The following SLC38A8 variants were observed in gnomAD, a reference collection of about 807,000 sequenced individuals.
SLC38A8 encodes the protein solute carrier family 38 member 8.
A neutral mutation model predicts 46.0 loss-of-function variants in SLC38A8; 65 were observed. That is an observed-to-expected ratio of 1.41 (90% CI 1.16 to 1.74). SLC38A8 has a LOEUF of 1.74. SLC38A8 is among the 40% of genes most tolerant of loss of function. The pLI is 0.00. For missense variants in SLC38A8, 998 were observed against 567.9 expected, an observed-to-expected ratio of 1.76 and a Z score of -7.70; for synonymous variants, 447 against 243.7, an observed-to-expected ratio of 1.83 and a Z score of -7.77.
chr16:84,014,554 T>TA (rs1429419143), intron 9 of SLC38A8, among the ~76,000 whole-genome samples: 1 of 151,254 alleles, frequency 6.6e-6, no homozygotes, highest in Non-Finnish European at 1.5e-5. Context: ...CTCTCCTCTC[T>TA]AAAAGTTCCA....
In SLC38A8 at chr16:84,029,501, C is replaced by A. The variant is rs754247007; in HGVS notation, c.683G>T (p.Gly228Val). ...VFSVFPTICFGFQCHEAAVSI... is the reference protein window; with the variant it reads ...VFSVFPTICFVFQCHEAAVSI... Reference sequence around the variant, plus strand: ...CACAGATGCTAAAATTACCTGAAACCCGAAGCAGATGGTGGGGAAGACACT... The same window carrying A: ...CACAGATGCTAAAATTACCTGAAACACGAAGCAGATGGTGGGGAAGACACT... The change falls in exon 6 of 11, where the codon GGG becomes GTG. Residue 228 changes from glycine to valine, a missense_variant. Gly to Val is a moderately radical substitution (Grantham distance 109). Coordinates refer to ENST00000299709, the MANE Select transcript of SLC38A8 (RefSeq NM_001080442.3). The A allele has an allele frequency of 2.5e-6, 4 of 1,614,106 alleles. No individual in the cohort carries two copies. Among genetic ancestry groups the A allele is most frequent in the Non-Finnish European group, 3.4e-6 (4 of 1,180,006 alleles).
At chr16:84,036,608 G>C (rs2085301799) in intron 3 of SLC38A8, 94 bp downstream of exon 3, 13 of 1,438,164 alleles carry the variant, frequency 9.0e-6, no homozygotes, top group Non-Finnish European at 1.2e-5. Context: ...TCAGGGCCCA[G>C]GCCAGGGCCC....
At chr16:84,014,547 T>A (rs7202336) in intron 9 of SLC38A8, among the ~76,000 whole-genome samples, 3,512 of 150,576 alleles carry the variant, frequency 0.023, 130 homozygotes, top group African/African-American at 0.082. Context: ...CACACCCCTC[T>A]CCTCTCTAAA....
At chr16:84,011,917 TGAGACGCA>T (rs1472937237) in intron 10 of SLC38A8, among the ~76,000 whole-genome samples, 1 of 152,084 alleles carries the variant, frequency 6.6e-6, no homozygotes, top group African/African-American at 2.4e-5. Flanking sequence ...GAGGGATTTC[TGAGACGCA>T]GAGACACAGG....
At chr16:84,011,577 G>A (rs558917108) in intron 10 of SLC38A8, among the ~76,000 whole-genome samples, 2 of 152,218 alleles carry the variant, frequency 1.3e-5, no homozygotes, top group African/African-American at 4.8e-5. Flanking sequence ...GGGGTGAAGG[G>A]TGGCCCCCAA....
chr16:84,028,998 C>A (rs2085202976), intron 6 of SLC38A8, among the ~76,000 whole-genome samples: 1 of 152,150 alleles, frequency 6.6e-6, no homozygotes, highest in Non-Finnish European at 1.5e-5. Context: ...GCCCCTTTCC[C>A]CTCTCCAATC....
chr16:84,035,885 C>G (rs1387024363), intron 3 of SLC38A8, among the ~76,000 whole-genome samples: 1 of 152,150 alleles, frequency 6.6e-6, no homozygotes, highest in Non-Finnish European at 1.5e-5. Flanking sequence ...ATAACTAGAC[C>G]TAAAGATTAA....
chr16:84,024,409 G>A (rs1343564358), intron 6 of SLC38A8, among the ~76,000 whole-genome samples: 1 of 152,014 alleles, frequency 6.6e-6, no homozygotes, highest in East Asian at 2.0e-4. Flanking sequence ...AAACTCCTGA[G>A]TTCAAGCGAC....
chr16:84,040,485 G>C (rs998257121), intron 2 of SLC38A8, among the ~76,000 whole-genome samples: 1 of 152,166 alleles, frequency 6.6e-6, no homozygotes, highest in Non-Finnish European at 1.5e-5. Flanking sequence ...TGAAATGCCT[G>C]CACGGTGCTT....
At chr16:84,040,890 C>T (rs972448065) in intron 2 of SLC38A8, among the ~76,000 whole-genome samples, 1 of 152,232 alleles carries the variant, frequency 6.6e-6, no homozygotes, top group African/African-American at 2.4e-5. Flanking sequence ...CTGCGTCATC[C>T]ATCCTAGGCC....
chr16:84,035,313 G>A (rs1030224369), intron 3 of SLC38A8, among the ~76,000 whole-genome samples: 5 of 152,148 alleles, frequency 3.3e-5, no homozygotes, highest in African/African-American at 1.2e-4. Context: ...CTTGGTATAA[G>A]GTCGTGTTTA....
rs367869251 is a variant in SLC38A8, at chr16:84,013,067, G to A, written c.1163-15C>T. ...GAGGCACAAACCTGCAAAAAAGACA[G>A]GGTCACCCACAGTTCTTCGTTATCA... On this transcript the variant is annotated splice_polypyrimidine_tract_variant and intron_variant, in intron 9 of 10. Coordinates refer to ENST00000299709, the MANE Select transcript of SLC38A8 (RefSeq NM_001080442.3). 8.7e-6 allele frequency: 14 copies of A among 1,613,994 alleles called. No homozygotes were observed. The highest frequency in any genetic ancestry group is 1.6e-4 in the Middle Eastern group (1 of 6,062).
intron 5 of SLC38A8, among the ~76,000 whole-genome samples, 166 bp from the exon 6 acceptor site, chr16:84,029,717 G>A (rs981181590): frequency 6.6e-6 from 1 of 152,266 alleles, no homozygotes; most frequent in Non-Finnish European, 1.5e-5. Flanking sequence ...AAATGGAAAA[G>A]GATGCTGGCT....
chr16:84,026,747 C>A (rs939511368), intron 6 of SLC38A8, among the ~76,000 whole-genome samples: 2 of 152,226 alleles, frequency 1.3e-5, no homozygotes, highest in Non-Finnish European at 2.9e-5. Flanking sequence ...GTGGCTACAA[C>A]ATGGATGAAT....
chr16:84,030,689 T>C (rs2085227331), intron 5 of SLC38A8, among the ~76,000 whole-genome samples: 1 of 152,164 alleles, frequency 6.6e-6, no homozygotes, highest in African/African-American at 2.4e-5. Flanking sequence ...TTCTCTCTCT[T>C]ACTCACCTTC....
At chr16:84,038,417 G>C (rs781256653) in intron 2 of SLC38A8, among the ~76,000 whole-genome samples, 1 of 152,042 alleles carries the variant, frequency 6.6e-6, no homozygotes, top group Non-Finnish European at 1.5e-5. Context: ...TACTTGCTTT[G>C]ACTCCTCTAC....
At chr16:84,034,596 A>C (rs1466760755) in intron 3 of SLC38A8, among the ~76,000 whole-genome samples, 1 of 152,198 alleles carries the variant, frequency 6.6e-6, no homozygotes, top group East Asian at 1.9e-4. Context: ...AGGTGTCTTA[A>C]GTGCTTCTTT....
rs374462517 is a variant in SLC38A8, at chr16:84,022,905, C to A, written c.691-16G>T. 2 of 1,559,596 alleles carry A rather than the reference C, an allele frequency of 1.3e-6. No individual in the cohort carries two copies. Among genetic ancestry groups the A allele is most frequent in the Non-Finnish European group, 8.7e-7 (1 of 1,154,930 alleles). Reference sequence around the variant, plus strand: ...CTTCGTGACACTGTAAGACAGAGGGCGGCTCAGCAGGATGCTGGCTTCCCC... The same window carrying A: ...CTTCGTGACACTGTAAGACAGAGGGAGGCTCAGCAGGATGCTGGCTTCCCC... On this transcript the variant is annotated splice_polypyrimidine_tract_variant and intron_variant, in intron 6 of 10. Transcript: ENST00000299709.
At chr16:84,013,422 G>GTTTTTTTTTTTGTTGT (rs369454720) in intron 9 of SLC38A8, among the ~76,000 whole-genome samples, 1 of 108,700 alleles carries the variant, frequency 9.2e-6, no homozygotes, top group African/African-American at 4.1e-5. Context: ...TGTTGTGTGT[G>GTTTTTTTTTTTGTTGT]TGTTTTTTTT....
Sources: gnomAD v4.1 joint callset for allele counts (sites outside exome capture counted in the v4.1 genomes callset) on GRCh38, gnomAD v4.1.1 for gene constraint, MANE v1.5 for transcripts, NCBI Gene and HGNC (gene_info 2026-07-23, HGNC 2026-07-21) for gene names.